The following VAV3 variants were observed in gnomAD, a reference collection of about 807,000 sequenced individuals.
VAV3 encodes guanine nucleotide exchange factor VAV3.
In VAV3, 94 loss-of-function variants were observed where a neutral mutation model predicts 131.2. The ratio of observed to expected loss-of-function variants is 0.72; its 90% CI spans 0.61 to 0.85. VAV3 has a LOEUF of 0.85. Among genes scored for constraint, VAV3 ranks in the 40% least tolerant of loss-of-function variants. VAV3 has a pLI of 0.00. For missense variants in VAV3, 939 were observed against 1,002.7 expected, an observed-to-expected ratio of 0.94 and a Z score of 0.86; for synonymous variants, 349 against 342.0, an observed-to-expected ratio of 1.02 and a Z score of -0.22.
chr1:107,646,351 G>A (rs1198019460), intron 19 of VAV3, among the ~76,000 whole-genome samples: 1 of 151,974 alleles, frequency 6.6e-6, no homozygotes, highest in African/African-American at 2.4e-5. Flanking sequence ...CTCCACTCCA[G>A]AATTTATTTA....
At chr1:107,958,983 G>A (rs77365194) in intron 1 of VAV3, among the ~76,000 whole-genome samples, 3,866 of 152,128 alleles carry the variant, frequency 0.025, 77 homozygotes, top group South Asian at 0.11. Flanking sequence ...TATCTAGGCC[G>A]GGCACAGTGG....
intron 15 of VAV3, among the ~76,000 whole-genome samples, chr1:107,728,993 AG>A (rs1662050407): frequency 6.6e-6 from 1 of 152,136 alleles, no homozygotes; most frequent in Non-Finnish European, 1.5e-5. Flanking sequence ...AAAACAGTTT[AG>A]TTTTTTTTCT....
intron 20 of VAV3, among the ~76,000 whole-genome samples, chr1:107,637,116 C>T (rs1484469045): frequency 6.6e-6 from 1 of 152,042 alleles, no homozygotes; most frequent in African/African-American, 2.4e-5. Context: ...AGATACATTA[C>T]TGATATCGGG....
rs779543007 is a variant in VAV3, at chr1:107,755,526, G to A, written c.1087-13C>T. On this transcript the variant is annotated splice_polypyrimidine_tract_variant and intron_variant, in intron 11 of 26. Transcript: ENST00000370056. ...ATTGTGCCAAGTCCTAGACAATAAA[G>A]AAAAGGGTAGAAAAAGAAGGCACAC... 3.0e-5 allele frequency: 48 copies of A among 1,587,354 alleles called. No homozygotes were observed. The highest frequency in any genetic ancestry group is 4.1e-5 in the Non-Finnish European group (48 of 1,159,222).
At chr1:107,935,073 A>ACATT (rs1673641835) in intron 1 of VAV3, among the ~76,000 whole-genome samples, 1 of 152,198 alleles carries the variant, frequency 6.6e-6, no homozygotes, top group Non-Finnish European at 1.5e-5. Flanking sequence ...CGGTTGGCAA[A>ACATT]CATTCATATC....
intron 21 of VAV3, among the ~76,000 whole-genome samples, chr1:107,611,871 G>A (rs1652762026): frequency 6.6e-6 from 1 of 152,174 alleles, no homozygotes; most frequent in South Asian, 2.1e-4. Flanking sequence ...CTCAGGTGGG[G>A]TCCTATCCTT....
chr1:107,581,191 G>A (rs897584768), intron 25 of VAV3, among the ~76,000 whole-genome samples: 10 of 152,156 alleles, frequency 6.6e-5, no homozygotes, highest in African/African-American at 2.4e-4. Flanking sequence ...TTGCAAACTG[G>A]ATGCTTCGTT....
At chr1:107,801,008 G>T (rs1288582559) in intron 2 of VAV3, among the ~76,000 whole-genome samples, 1 of 152,100 alleles carries the variant, frequency 6.6e-6, no homozygotes, top group East Asian at 1.9e-4. Flanking sequence ...ATGAGAGATA[G>T]GGGTTTCGTT....
At chr1:107,839,147 TGCATAAGTTA>T (rs1557875450) in intron 2 of VAV3, among the ~76,000 whole-genome samples, 2 of 152,270 alleles carry the variant, frequency 1.3e-5, no homozygotes, top group African/African-American at 4.8e-5. Context: ...AGTAGTCAAA[TGCATAAGTTA>T]GCATTTCTTG....
At chr1:107,661,787 T>C (rs1348482776) in intron 19 of VAV3, among the ~76,000 whole-genome samples, 1 of 152,242 alleles carries the variant, frequency 6.6e-6, no homozygotes, top group Non-Finnish European at 1.5e-5. Context: ...TCAAATTCTC[T>C]ATTTCAAATA....
At chr1:107,777,462 G>A (rs1294969751) in intron 3 of VAV3, among the ~76,000 whole-genome samples, 166 bp from the exon 4 acceptor site, 1 of 152,216 alleles carries the variant, frequency 6.6e-6, no homozygotes, top group East Asian at 1.9e-4. Context: ...TAAAGTGCCT[G>A]CTCAGTGGCT....
intron 1 of VAV3, among the ~76,000 whole-genome samples, chr1:107,908,268 G>A (rs1038000284): frequency 1.3e-5 from 2 of 152,182 alleles, no homozygotes; most frequent in African/African-American, 2.4e-5. Context: ...AGATGTTAGG[G>A]TGATGTATAC....
At chr1:107,835,246 T>C (rs556121719) in intron 2 of VAV3, among the ~76,000 whole-genome samples, 1 of 152,282 alleles carries the variant, frequency 6.6e-6, no homozygotes, top group East Asian at 1.9e-4. Flanking sequence ...CCAGCCTCAG[T>C]GCCTTGCCAT....
intron 15 of VAV3, among the ~76,000 whole-genome samples, chr1:107,706,783 T>C (rs1241136796): frequency 6.6e-6 from 1 of 152,172 alleles, no homozygotes; most frequent in Non-Finnish European, 1.5e-5. Context: ...TCAAATAAGT[T>C]TGAGTCCTGG....
chr1:107,881,800 G>C (rs548061420), intron 1 of VAV3, among the ~76,000 whole-genome samples: 1 of 152,268 alleles, frequency 6.6e-6, no homozygotes, highest in East Asian at 1.9e-4. Flanking sequence ...TACCACAACA[G>C]ACAAGGCATG....
intron 15 of VAV3, among the ~76,000 whole-genome samples, chr1:107,743,224 G>A (rs1663127849): frequency 6.6e-6 from 1 of 152,114 alleles, no homozygotes; most frequent in African/African-American, 2.4e-5. Flanking sequence ...TTTCTAAGAG[G>A]GGCAGATCAC....
chr1:107,603,366 G>A (rs931427787), intron 22 of VAV3, among the ~76,000 whole-genome samples: 2 of 152,054 alleles, frequency 1.3e-5, no homozygotes, highest in African/African-American at 4.8e-5. Context: ...ACTAACAACA[G>A]CAAAATGAAC....
intron 25 of VAV3, among the ~76,000 whole-genome samples, chr1:107,585,235 C>T (rs1405082209): frequency 6.6e-6 from 1 of 152,094 alleles, no homozygotes; most frequent in Non-Finnish European, 1.5e-5. Flanking sequence ...TTTGGATCAC[C>T]CTCAAAATAT....
chr1:107,696,584 A>C (rs1249316456), intron 17 of VAV3, among the ~76,000 whole-genome samples: 1 of 152,220 alleles, frequency 6.6e-6, no homozygotes, highest in Non-Finnish European at 1.5e-5. Flanking sequence ...TTGAGAGTAT[A>C]GTTAGACTAT....
Sources: allele counts gnomAD v4.1 joint callset (sites outside exome capture counted in the v4.1 genomes callset), GRCh38; gene constraint gnomAD v4.1.1; transcripts MANE v1.5; gene names NCBI Gene and HGNC (gene_info 2026-07-23, HGNC 2026-07-21).